Variants in PDE3A observed in about 807,000 individuals in gnomAD.
PDE3A encodes phosphodiesterase 3A.
In PDE3A, 43 loss-of-function variants were observed where a neutral mutation model predicts 98.3. The observed-to-expected ratio is 0.44, with a 90% CI of 0.34 to 0.56. The LOEUF is 0.56. Among genes scored for constraint, PDE3A ranks in the 20% least tolerant of loss-of-function variants. The probability of loss-of-function intolerance (pLI) is 0.01; values close to 1 mark genes in which losing one functional copy is unlikely to be tolerated. For missense variants in PDE3A, 1,427 were observed against 1,440.7 expected (o/e 0.99, Z 0.15); for synonymous variants, 663 against 567.9 (o/e 1.17, Z -2.38).
Position 20,637,096 on chromosome 12 carries a change from A to T in PDE3A, c.2002-4A>T. On this transcript the variant is annotated splice_polypyrimidine_tract_variant and splice_region_variant and intron_variant, in intron 8 of 15. Coordinates refer to ENST00000359062, the MANE Select transcript of PDE3A (RefSeq NM_000921.5). ...TTTAAGTATTTTAATGTTAAACATT[A>T]CAGGACAAACCAATTCTTGCTCCCG... 1 of 1,598,750 alleles carries T rather than the reference A, an allele frequency of 6.3e-7. No homozygotes were observed. Among genetic ancestry groups the T allele is most frequent in the Non-Finnish European group, 8.5e-7 (1 of 1,173,642 alleles).
intron 1 of PDE3A, among the ~76,000 whole-genome samples, chr12:20,414,232 G>A (rs570615103): frequency 1.3e-5 from 2 of 152,134 alleles, no homozygotes; most frequent in Non-Finnish European, 2.9e-5. Context: ...ATAAGGCCAC[G>A]GAATTAGACA....
chr12:20,624,454 G>A (rs767011871), intron 5 of PDE3A, among the ~76,000 whole-genome samples: 1 of 152,104 alleles, frequency 6.6e-6, no homozygotes, highest in Non-Finnish European at 1.5e-5. Flanking sequence ...AGAAGAAAGA[G>A]CAAAGGAGCA....
chr12:20,438,044 C>T (rs571739839), intron 1 of PDE3A, among the ~76,000 whole-genome samples: 8 of 151,798 alleles, frequency 5.3e-5, no homozygotes, highest in African/African-American at 1.9e-4. Context: ...ACAAAGCAGC[C>T]CTGTGCAAGG....
chr12:20,442,501 A>G (rs1944886050), intron 1 of PDE3A, among the ~76,000 whole-genome samples: 1 of 152,176 alleles, frequency 6.6e-6, no homozygotes, highest in Non-Finnish European at 1.5e-5. Context: ...AGTGATGCAT[A>G]CCACTTGTTC....
In PDE3A at chr12:20,682,839, T is replaced by C. The variant is rs1475364663; in HGVS notation, c.*2568T>C. 1 of 152,148 alleles carries C rather than the reference T, an allele frequency of 6.6e-6. No homozygotes were observed. The allele number at this position is 152,148 out of a possible 1,614,324, so 9.4% of individuals were successfully genotyped here. The stretch of plus-strand genomic sequence containing the variant: ...CTCTAACATAAATATTAATTGAACA[T>C]AGAGCTATGTTTGGAGTGAGTGGAC... On this transcript the variant is annotated 3_prime_UTR_variant, in exon 16 of 16. Coordinates refer to ENST00000359062, the MANE Select transcript of PDE3A (RefSeq NM_000921.5).
chr12:20,533,729 C>T (rs897479752), intron 1 of PDE3A, among the ~76,000 whole-genome samples: 1 of 151,494 alleles, frequency 6.6e-6, no homozygotes, highest in Non-Finnish European at 1.5e-5. Flanking sequence ...ATCCGCCCCG[C>T]CCCCCTTTGG....
At chr12:20,419,738 A>ATTTTTTTT (rs34873079) in intron 1 of PDE3A, among the ~76,000 whole-genome samples, 5 of 132,660 alleles carry the variant, frequency 3.8e-5, no homozygotes, top group Non-Finnish European at 3.1e-5. Flanking sequence ...TTAATATTGT[A>ATTTTTTTT]TTTTTTTTTT....
At chr12:20,675,545 TC>T (rs1218935653) in intron 15 of PDE3A, among the ~76,000 whole-genome samples, 5 of 152,232 alleles carry the variant, frequency 3.3e-5, no homozygotes, top group African/African-American at 1.2e-4. Context: ...AGTGTCTCTC[TC>T]CCTTTAGATC....
intron 15 of PDE3A, among the ~76,000 whole-genome samples, chr12:20,668,199 C>A (rs1468161694): frequency 6.6e-6 from 1 of 152,198 alleles, no homozygotes; most frequent in African/African-American, 2.4e-5. Context: ...GAGGGTCCTA[C>A]GCCCACAGAG....
intron 15 of PDE3A, among the ~76,000 whole-genome samples, chr12:20,671,414 C>T (rs892612732): frequency 6.6e-6 from 1 of 152,092 alleles, no homozygotes; most frequent in African/African-American, 2.4e-5. Flanking sequence ...AATTTTAGAC[C>T]AATATCCTTG....
chr12:20,658,742 T>A (rs1223163260), intron 15 of PDE3A, among the ~76,000 whole-genome samples: 1 of 152,216 alleles, frequency 6.6e-6, no homozygotes, highest in African/African-American at 2.4e-5. Flanking sequence ...CTTCCTTCCT[T>A]CATTTAAATC....
At chr12:20,469,073 G>A (rs975768548) in intron 1 of PDE3A, among the ~76,000 whole-genome samples, 1 of 152,084 alleles carries the variant, frequency 6.6e-6, no homozygotes, top group African/African-American at 2.4e-5. Context: ...TAGTATGCTT[G>A]AGAATTACTA....
At position 20,369,793 on chromosome 12, in the gene PDE3A, G is replaced by A. The variant is rs753128357; in HGVS notation, c.509G>A (p.Gly170Glu). The A allele has an allele frequency of 2.5e-6, 4 of 1,612,408 alleles. No individual in the cohort carries two copies. The highest frequency in any genetic ancestry group is 1.3e-5 in the African/African-American group (1 of 74,904). The change falls in exon 1 of 16, where the codon GGG (glycine) becomes GAG (glutamate). Residue 170 changes from glycine (G) to glutamate (E), a missense_variant. By Grantham distance (98) the Gly-to-Glu change is moderately conservative (BLOSUM62 -2). Around this residue, in one of 3 missense-constraint regions of PDE3A, gnomAD observed 1,012 missense variants for 886.5 expected, o/e 1.14. Coordinates refer to ENST00000359062, the MANE Select transcript of PDE3A (RefSeq NM_000921.5). ...AVALLAACCG[G>E]EALVQIGLGV... ...GCGCTGCTGGCCGCCTGCTGCGGGG[G>A]GGAAGCGCTCGTCCAGATTGGGCTG...
chr12:20,390,715 G>A (rs746842362), intron 1 of PDE3A, among the ~76,000 whole-genome samples: 41 of 151,888 alleles, frequency 2.7e-4, no homozygotes, highest in Non-Finnish European at 5.0e-4. Context: ...CTGTCTCCTT[G>A]AAGCTGCTCA....
At chr12:20,407,064 C>T (rs1359136544) in intron 1 of PDE3A, among the ~76,000 whole-genome samples, 1 of 152,130 alleles carries the variant, frequency 6.6e-6, no homozygotes, top group Non-Finnish European at 1.5e-5. Context: ...GATAGACATC[C>T]TGTCTTATGC....
chr12:20,638,928 A>T (rs1391844524), intron 9 of PDE3A, among the ~76,000 whole-genome samples: 1 of 152,106 alleles, frequency 6.6e-6, no homozygotes, highest in East Asian at 1.9e-4. Flanking sequence ...ACTCTTCTAA[A>T]GTCATATAGT....
intron 8 of PDE3A, 137 bp from the exon 9 acceptor site, chr12:20,636,963 C>A: frequency 1.8e-6 from 1 of 541,010 alleles, no homozygotes; most frequent in Non-Finnish European, 3.2e-6. Context: ...CTTTTTTAAG[C>A]AAAGATCACT....
chr12:20,670,542 T>A (rs1354163378), intron 15 of PDE3A, among the ~76,000 whole-genome samples: 1 of 152,096 alleles, frequency 6.6e-6, no homozygotes, highest in Non-Finnish European at 1.5e-5. Flanking sequence ...GGATTAAGAA[T>A]CTCACTCAAA....
At chr12:20,670,804 C>G (rs1201723545) in intron 15 of PDE3A, among the ~76,000 whole-genome samples, 2 of 133,608 alleles carry the variant, frequency 1.5e-5, no homozygotes, top group Non-Finnish European at 3.1e-5. Context: ...AAAGCAAGAG[C>G]AAACACATTC....
Sources: gnomAD v4.1 joint callset for allele counts (sites outside exome capture counted in the v4.1 genomes callset) on GRCh38, gnomAD v4.1.1 for gene constraint, gnomAD v4.1.1 regional missense constraint, MANE v1.5 for transcripts, NCBI Gene and HGNC (gene_info 2026-07-23, HGNC 2026-07-21) for gene names.